Variants in SPATS2L observed in about 807,000 individuals in gnomAD.
The protein encoded by SPATS2L is spermatogenesis associated serine rich 2 like, also known as SPATS2-like protein.
Under a neutral mutation model 59.6 loss-of-function variants are expected in SPATS2L, and 30 were observed. That is an observed-to-expected ratio of 0.50 (90% CI 0.38 to 0.68). The LOEUF is 0.68. Ranked by LOEUF, SPATS2L falls within the 30% of genes least tolerant of loss-of-function variation. The pLI is 0.00. For missense variants in SPATS2L, 615 were observed against 700.0 expected (o/e 0.88, Z 1.37); for synonymous variants, 252 against 263.5 (o/e 0.96, Z 0.42).
At chr2:200,340,063 A>G (rs919665516) in intron 2 of SPATS2L, among the ~76,000 whole-genome samples, 1 of 152,160 alleles carries the variant, frequency 6.6e-6, no homozygotes, top group East Asian at 1.9e-4. Flanking sequence ...AGTCTCATTT[A>G]TAGAAAGAAA....
intron 2 of SPATS2L, among the ~76,000 whole-genome samples, chr2:200,365,547 G>A (rs2081243206): frequency 6.6e-6 from 1 of 152,226 alleles, no homozygotes; most frequent in African/African-American, 2.4e-5. Flanking sequence ...GATATACTCA[G>A]GCTAACAAAG....
intron 6 of SPATS2L, among the ~76,000 whole-genome samples, chr2:200,429,347 T>C (rs1261325970): frequency 1.3e-5 from 2 of 152,170 alleles, no homozygotes; most frequent in African/African-American, 4.8e-5. Flanking sequence ...AGTTACTATA[T>C]CTGTACTGAA....
At chr2:200,375,908 T>C (rs1045256443) in intron 2 of SPATS2L, among the ~76,000 whole-genome samples, 1 of 152,204 alleles carries the variant, frequency 6.6e-6, no homozygotes, top group African/African-American at 2.4e-5. Flanking sequence ...ATTACAGGCA[T>C]GAGTGACTGT....
At chr2:200,420,916 G>T (rs1037218656) in intron 6 of SPATS2L, among the ~76,000 whole-genome samples, 15 of 151,986 alleles carry the variant, frequency 9.9e-5, no homozygotes, top group African/African-American at 3.6e-4. Context: ...CAATCATTTT[G>T]CTAATTTTTA....
chr2:200,356,843 T>A, intron 2 of SPATS2L, among the ~76,000 whole-genome samples: 1 of 152,194 alleles, frequency 6.6e-6, no homozygotes, highest in Non-Finnish European at 1.5e-5. Flanking sequence ...TTGTGCTGCC[T>A]TCATCTCATG....
intron 2 of SPATS2L, among the ~76,000 whole-genome samples, chr2:200,339,696 T>G (rs1407821025): frequency 6.6e-6 from 1 of 152,214 alleles, no homozygotes; most frequent in Non-Finnish European, 1.5e-5. Flanking sequence ...TAGGGACTTT[T>G]AGAAATAATA....
chr2:200,310,706 C>T (rs768369955), intron 1 of SPATS2L, among the ~76,000 whole-genome samples: 2 of 152,224 alleles, frequency 1.3e-5, no homozygotes, highest in African/African-American at 2.4e-5. Context: ...AATTAACTTA[C>T]CAATGTTATT....
intron 1 of SPATS2L, among the ~76,000 whole-genome samples, chr2:200,311,659 G>A (rs1260978422): frequency 6.6e-6 from 1 of 152,190 alleles, no homozygotes; most frequent in East Asian, 1.9e-4. Flanking sequence ...GGTGATGTAG[G>A]GAAGAGTCTA....
intron 4 of SPATS2L, among the ~76,000 whole-genome samples, chr2:200,412,674 G>A (rs1325707755): frequency 6.6e-6 from 1 of 151,234 alleles, no homozygotes; most frequent in African/African-American, 2.4e-5. Context: ...TCTCATTTAA[G>A]GAAAAAAAGA....
intron 12 of SPATS2L, among the ~76,000 whole-genome samples, chr2:200,475,293 C>T (rs1439259563): frequency 1.3e-5 from 2 of 152,178 alleles, no homozygotes. Flanking sequence ...TGAGGACGTG[C>T]ACCCGTGACA....
At chr2:200,347,028 T>C (rs912320096) in intron 2 of SPATS2L, among the ~76,000 whole-genome samples, 1 of 152,204 alleles carries the variant, frequency 6.6e-6, no homozygotes, top group African/African-American at 2.4e-5. Context: ...TCTTGCCTAA[T>C]GAAAGATTTT....
intron 1 of SPATS2L, among the ~76,000 whole-genome samples, chr2:200,328,469 T>A (rs1399534162): frequency 6.6e-6 from 1 of 152,110 alleles, no homozygotes; most frequent in African/African-American, 2.4e-5. Flanking sequence ...AGTCTTTAGG[T>A]CAATCCTCTT....
chr2:200,384,883 AG>A (rs2081943121), intron 2 of SPATS2L, among the ~76,000 whole-genome samples: 1 of 152,186 alleles, frequency 6.6e-6, no homozygotes, highest in Non-Finnish European at 1.5e-5. Flanking sequence ...AAAATGTCTA[AG>A]CTATTGAAAT....
In SPATS2L at chr2:200,422,049, C is replaced by A. The variant is rs1314943436; in HGVS notation, c.445+2553C>A. ...GACAGCTGCCTTGAAAGTTAAGTAC[C>A]CACCAGGGGAATGGGTACAAGGGGG... On this transcript the variant is annotated intron_variant, in intron 6 of 12. Transcript: ENST00000409140. Among the ~76,000 whole-genome samples, 7 of 152,110 alleles carry A rather than the reference C, an allele frequency of 4.6e-5. No homozygotes were observed. The East Asian group carries it at 1.2e-3, about 25-fold the overall frequency.
rs2106265572 is a variant in SPATS2L at position 200,479,922 on chromosome 2, G to A, written c.*1891G>A. 2.5e-6 allele frequency: 1 copy of A among 395,434 alleles called. No individual in the cohort carries two copies. The allele number at this position is 395,434 out of a possible 1,614,324, so 24.5% of individuals were successfully genotyped here. ...ATTCTTAACGTTAAGTCACATTCCAGGAAGGAAGGAAGAGTTGTTCGTTCA... is the reference window on the plus strand; with the variant it reads ...ATTCTTAACGTTAAGTCACATTCCAAGAAGGAAGGAAGAGTTGTTCGTTCA... On this transcript the variant is annotated 3_prime_UTR_variant, in exon 13 of 13. Coordinates refer to ENST00000409140, the MANE Select transcript of SPATS2L (RefSeq NM_001100423.2).
chr2:200,372,972 A>G (rs1232927005), intron 2 of SPATS2L, among the ~76,000 whole-genome samples: 1 of 152,222 alleles, frequency 6.6e-6, no homozygotes, highest in African/African-American at 2.4e-5. Context: ...ACTAAGTGCT[A>G]AAATGAATAC....
chr2:200,310,702 C>A (rs934684713), intron 1 of SPATS2L, among the ~76,000 whole-genome samples: 2 of 152,252 alleles, frequency 1.3e-5, no homozygotes, highest in African/African-American at 4.8e-5. Flanking sequence ...CCCAAATTAA[C>A]TTACCAATGT....
At chr2:200,318,475 G>T (rs1302983504) in intron 1 of SPATS2L, among the ~76,000 whole-genome samples, 1 of 152,170 alleles carries the variant, frequency 6.6e-6, no homozygotes, top group African/African-American at 2.4e-5. Context: ...ATGTTATTTA[G>T]TGCTGGTTTG....
chr2:200,398,980 C>G (rs985572363), intron 3 of SPATS2L, among the ~76,000 whole-genome samples: 1 of 152,174 alleles, frequency 6.6e-6, no homozygotes, highest in Non-Finnish European at 1.5e-5. Context: ...CGGAACTCTG[C>G]TTCTCAATCC....
Sources: gnomAD v4.1 joint callset for allele counts (sites outside exome capture counted in the v4.1 genomes callset) on GRCh38, gnomAD v4.1.1 for gene constraint, MANE v1.5 for transcripts, NCBI Gene and HGNC (gene_info 2026-07-23, HGNC 2026-07-21) for gene names.